TXLNB: variants seen among roughly 807,000 people sequenced by gnomAD.
TXLNB encodes taxilin beta.
A neutral mutation model predicts 57.4 loss-of-function variants in TXLNB; 37 were observed. The observed-to-expected ratio is 0.64, with a 90% confidence interval of 0.50 to 0.85. The LOEUF (loss-of-function observed/expected upper bound fraction) is 0.85, where lower values mean the gene tolerates loss of function less well. Ranked by LOEUF, TXLNB falls within the 40% of genes least tolerant of loss-of-function variation. The pLI is 0.00. For synonymous variants in TXLNB, 302 were observed against 309.6 expected, an observed-to-expected ratio of 0.98 and a Z score of 0.26; for missense variants, 848 against 825.6, an observed-to-expected ratio of 1.03 and a Z score of -0.33.
the TXLNB span, among the ~76,000 whole-genome samples, chr6:139,210,728 C>T: frequency 3.9e-5 from 6 of 152,246 alleles, no homozygotes; most frequent in African/African-American, 1.2e-4. Context: ...ATTCCCTTTC[C>T]TAGTCAAAGA....
chr6:139,296,040 C>G (rs533503429), upstream of TXLNB, among the ~76,000 whole-genome samples: 21 of 152,140 alleles, frequency 1.4e-4, no homozygotes, highest in Admixed American at 8.5e-4. Flanking sequence ...CTTGACCCCC[C>G]CCTCCTCCAG....
chr6:139,176,716 G>A, the TXLNB span, among the ~76,000 whole-genome samples: 57 of 152,284 alleles, frequency 3.7e-4, no homozygotes, highest in African/African-American at 1.3e-3. This position sits in a 1 kb window ranked among gnomAD's most constrained non-coding sequence, Gnocchi z 4.5. Context: ...TTAGGCAGTA[G>A]TAGTTTAGAA....
the TXLNB span, among the ~76,000 whole-genome samples, chr6:139,320,179 A>T: frequency 6.6e-6 from 1 of 152,218 alleles, no homozygotes; most frequent in Non-Finnish European, 1.5e-5. Flanking sequence ...AAAGTTACTT[A>T]AGTAACTTCT....
At chr6:139,258,110 C>T (rs1776391124) in intron 6 of TXLNB, among the ~76,000 whole-genome samples, 1 of 152,146 alleles carries the variant, frequency 6.6e-6, no homozygotes, top group Non-Finnish European at 1.5e-5. Flanking sequence ...CCTATTCTGC[C>T]TGGGTGACTT....
downstream of TXLNB, among the ~76,000 whole-genome samples, chr6:139,236,860 A>C (rs1280873001): frequency 6.6e-6 from 1 of 151,994 alleles, no homozygotes; most frequent in African/African-American, 2.4e-5. Flanking sequence ...TGATCCACCC[A>C]CCTTGGCCTC....
Position 139,267,626 on chromosome 6 carries a change from A to G in TXLNB, c.687+2830T>C, listed in dbSNP as rs142469767. ...TAATAAAATGGTAGACATATATCAA[A>G]CCACATCAGTAAGTACATTATATGT... On this transcript the variant is annotated intron_variant, in intron 4 of 9. Transcript: ENST00000358430. 1.3e-3 allele frequency among the ~76,000 whole-genome samples: 192 copies of G among 152,318 alleles called. 1 individual carries two copies. Among genetic ancestry groups the G allele is most frequent in the African/African-American group, 4.4e-3 (185 of 41,580 alleles).
At position 139,244,510 on chromosome 6, in the gene TXLNB, A is replaced by G. The variant is rs138676807; in HGVS notation, c.1266+85T>C. 3.3e-6 allele frequency: 3 copies of G among 922,366 alleles called. No homozygotes were observed. In the African/African-American group the frequency reaches 5.0e-5, roughly 15 times the overall value. The allele number at this position is 922,366 out of a possible 1,614,324, so 57.1% of individuals were successfully genotyped here. Reference sequence around the variant, plus strand: ...CTCTTTTTCACACATAACCATTTGTACTATTACCAGGTTATAATTGTATCG... The same window carrying G: ...CTCTTTTTCACACATAACCATTTGTGCTATTACCAGGTTATAATTGTATCG... On this transcript the variant is annotated intron_variant, in intron 9 of 9. Transcript: ENST00000358430.
At chr6:139,229,039 C>A in the TXLNB span, among the ~76,000 whole-genome samples, 1 of 152,128 alleles carries the variant, frequency 6.6e-6, no homozygotes, top group African/African-American at 2.4e-5. Context: ...GTATCCAGGA[C>A]AAAGTATTTT....
At chr6:139,282,198 G>T (rs1465218966) in intron 2 of TXLNB, among the ~76,000 whole-genome samples, 3 of 150,062 alleles carry the variant, frequency 2.0e-5, no homozygotes, top group African/African-American at 4.9e-5. Context: ...TATCAAAGCT[G>T]CAGTTTATTA....
chr6:139,285,680 T>C (rs1174743707), intron 2 of TXLNB, among the ~76,000 whole-genome samples: 1 of 145,168 alleles, frequency 6.9e-6, no homozygotes, highest in African/African-American at 2.5e-5. Context: ...GGTTTTAGCA[T>C]CATAGCGATA....
At chr6:139,256,030 T>TA (rs1776328860) in intron 6 of TXLNB, among the ~76,000 whole-genome samples, 1 of 152,058 alleles carries the variant, frequency 6.6e-6, no homozygotes, top group Non-Finnish European at 1.5e-5. Flanking sequence ...TGCAATGAGC[T>TA]ATGATGGCAC....
At chr6:139,278,581 T>C (rs1409852187) in intron 2 of TXLNB, among the ~76,000 whole-genome samples, 1 of 152,146 alleles carries the variant, frequency 6.6e-6, no homozygotes, top group African/African-American at 2.4e-5. Context: ...GGTGCCCACA[T>C]GAAGACTACA....
At position 139,270,590 on chromosome 6, in the gene TXLNB, G is replaced by C. The variant is rs756371561; in HGVS notation, c.553C>G (p.Leu185Val). 6.2e-7 allele frequency: 1 copy of C among 1,613,954 alleles called. No individual in the cohort carries two copies. Among genetic ancestry groups the C allele is most frequent in the African/African-American group, 1.3e-5 (1 of 74,900 alleles). Residue 185 changes from leucine (L) to valine (V), a missense_variant, in exon 4 of 10, where the codon CTC becomes GTC. Coordinates refer to ENST00000358430, the MANE Select transcript of TXLNB (RefSeq NM_153235.4). ...EHRTEQKKLK[L>V]LQKKQVQIQK... The stretch of plus-strand genomic sequence containing the variant: ...ATTTGTACCTGTTTCTTTTGGAGGA[G>C]CTTTAACTTCTTTTGCTCAGTACGA...
At chr6:139,201,307 C>T in the TXLNB span, among the ~76,000 whole-genome samples, 2 of 152,292 alleles carry the variant, frequency 1.3e-5, no homozygotes, top group African/African-American at 2.4e-5. Context: ...GAGTCACTCA[C>T]GCTGAAGCTC....
At chr6:139,205,550 C>T in the TXLNB span, among the ~76,000 whole-genome samples, 2 of 150,636 alleles carry the variant, frequency 1.3e-5, no homozygotes, top group Admixed American at 1.3e-4. Context: ...AAAGTTTCTA[C>T]AATAGACTAG....
chr6:139,250,197 T>TTTAA (rs1776164919), intron 7 of TXLNB, among the ~76,000 whole-genome samples: 1 of 137,262 alleles, frequency 7.3e-6, no homozygotes, highest in African/African-American at 2.9e-5. Context: ...TTTTTTTTTT[T>TTTAA]AACACAGGCT....
chr6:139,179,331 G>A, the TXLNB span: 1 of 152,086 alleles, frequency 6.6e-6, no homozygotes, highest in Non-Finnish European at 1.5e-5. Flanking sequence ...GCTTTATATT[G>A]TTGTTCTGAA....
chr6:139,306,390 T>G, the TXLNB span, among the ~76,000 whole-genome samples: 1 of 152,228 alleles, frequency 6.6e-6, no homozygotes, highest in Non-Finnish European at 1.5e-5. Context: ...GTCAAACTTC[T>G]GGGACGCTCC....
the TXLNB span, among the ~76,000 whole-genome samples, chr6:139,223,003 G>GAT: frequency 6.6e-6 from 1 of 152,104 alleles, no homozygotes; most frequent in Non-Finnish European, 1.5e-5. Flanking sequence ...TGACCTAACT[G>GAT]ATACATATAG....
Sources: allele counts gnomAD v4.1 joint callset (sites outside exome capture counted in the v4.1 genomes callset), GRCh38; gene constraint gnomAD v4.1.1; non-coding constraint Gnocchi (gnomAD v3.1); transcripts MANE v1.5; gene names NCBI Gene and HGNC (gene_info 2026-07-23, HGNC 2026-07-21).